The following DOCK9 variants were observed in gnomAD, a reference collection of about 807,000 sequenced individuals.
DOCK9 encodes dedicator of cytokinesis protein 9.
In DOCK9, 89 loss-of-function variants were observed where a neutral mutation model predicts 263.3. The observed-to-expected ratio is 0.34, with a 90% CI of 0.28 to 0.40. The LOEUF is 0.40. Ranked by LOEUF, DOCK9 falls within the 10% of genes least tolerant of loss-of-function variation. The pLI, the probability that DOCK9 is intolerant of heterozygous loss-of-function variation, is 1.00. For missense variants in DOCK9, 2,140 were observed against 2,603.4 expected (o/e 0.82, Z 3.87); for synonymous variants, 976 against 973.1 (o/e 1.00, Z -0.06).
At chr13:98,834,889 C>A (rs2092929040) in intron 39 of DOCK9, among the ~76,000 whole-genome samples, 1 of 152,216 alleles carries the variant, frequency 6.6e-6, no homozygotes, top group African/African-American at 2.4e-5. Context: ...TACACACACA[C>A]ACACACAAAC....
intron 1 of DOCK9, among the ~76,000 whole-genome samples, chr13:99,028,599 G>C (rs1043104327): frequency 2.6e-5 from 4 of 152,134 alleles, no homozygotes; most frequent in Non-Finnish European, 5.9e-5. Context: ...CCTTCTTCTT[G>C]CATTATTTAT....
intron 1 of DOCK9, among the ~76,000 whole-genome samples, chr13:99,028,989 T>C (rs944596212): frequency 6.6e-6 from 1 of 152,204 alleles, no homozygotes; most frequent in Non-Finnish European, 1.5e-5. Context: ...TGAAACCATA[T>C]TTCTGTTTTA....
chr13:98,867,696 G>C (rs531346218), intron 29 of DOCK9, among the ~76,000 whole-genome samples, 160 bp from the exon 30 acceptor site: 10 of 152,280 alleles, frequency 6.6e-5, no homozygotes, highest in African/African-American at 2.4e-4. Flanking sequence ...GATGGCTGCA[G>C]GGATTGATTT....
At chr13:98,979,205 TAGTAGTAGTAGTAGTAGTAGTAGTAGC>T (rs1258065941), upstream of DOCK9, among the ~76,000 whole-genome samples, 1 of 127,212 alleles carries the variant, frequency 7.9e-6, no homozygotes, top group African/African-American at 3.1e-5. Flanking sequence ...GTAGTAGTAG[TAGTAGTAGTAGTAGTAGTAGTAGTAGC>T]AGCAGCGGCG....
intron 39 of DOCK9, among the ~76,000 whole-genome samples, chr13:98,835,657 C>T (rs543020869): frequency 2.0e-5 from 3 of 151,488 alleles, no homozygotes; most frequent in Non-Finnish European, 4.4e-5. Context: ...TGAACTCCTA[C>T]TACCTTCCCA....
rs1286343497 is a variant in DOCK9, at chr13:99,071,306, C to CCTTTTTTTTTTTTTTTTTTTTTT, written c.129+14916_129+14917insAAAAAAAAAAAAAAAAAAAAAAG. On this transcript the variant is annotated intron_variant, in intron 1 of 32. Coordinates refer to the DOCK9 transcript ENST00000427887. ...TACAGGTGCTTGCCACCATGCCTGG[C>CCTTTTTTTTTTTTTTTTTTTTTT]TTTTTTTTTTTTTTTTTTTTTTTTT... Among the ~76,000 whole-genome samples, 24 of 49,328 alleles carry CCTTTTTTTTTTTTTTTTTTTTTT rather than the reference C, an allele frequency of 4.9e-4. 2 individuals are homozygous for CCTTTTTTTTTTTTTTTTTTTTTT. The East Asian group carries it at 5.4e-3, about 11-fold the overall frequency. The allele number at this position is 49,328 out of a possible 152,430, so 32.4% of individuals were successfully genotyped here. A position where few individuals can be genotyped will look rare whatever the true frequency, so the allele number is the denominator to read the frequency against.
intron 7 of DOCK9, among the ~76,000 whole-genome samples, chr13:98,918,792 A>G (rs2051331384): frequency 6.6e-6 from 1 of 152,262 alleles, no homozygotes. Context: ...CCAAAACAAG[A>G]AAGTAGAACA....
At chr13:98,982,510 A>G (rs1416738881), upstream of DOCK9, among the ~76,000 whole-genome samples, 8 of 152,090 alleles carry the variant, frequency 5.3e-5, no homozygotes, top group Non-Finnish European at 1.2e-4. Flanking sequence ...ACCTTTTATT[A>G]AGTTTGCCCC....
At chr13:99,008,232 A>ATTTT (rs1403824024) in intron 1 of DOCK9, among the ~76,000 whole-genome samples, 6 of 103,388 alleles carry the variant, frequency 5.8e-5, no homozygotes, top group Middle Eastern at 5.2e-3. Context: ...ATATATATAT[A>ATTTT]TATTTTTTTT....
intron 1 of DOCK9, among the ~76,000 whole-genome samples, chr13:99,061,073 C>T (rs2041166894): frequency 1.3e-5 from 2 of 152,104 alleles, no homozygotes; most frequent in African/African-American, 4.8e-5. Flanking sequence ...CAGTTTAATC[C>T]CTTGCCTTTT....
intron 1 of DOCK9, among the ~76,000 whole-genome samples, chr13:98,983,977 T>C (rs1273051052): frequency 6.6e-6 from 1 of 152,192 alleles, no homozygotes. Context: ...GTAATCCACA[T>C]TATCACCTAG....
At position 98,843,005 on chromosome 13, in the gene DOCK9, T is replaced by C. The variant is rs142695074; in HGVS notation, c.4198+2919A>G. 2.0e-3 allele frequency among the ~76,000 whole-genome samples: 298 copies of C among 152,332 alleles called. 1 individual carries two copies. The highest frequency in any genetic ancestry group is 3.4e-3 in the Middle Eastern group (1 of 294). On this transcript the variant is annotated intron_variant, in intron 38 of 52. Transcript: ENST00000682017. ...AGTGCGTGTGGTGCCTTCTTCCATGTCCTGTTACCAGTGGTGATGGGGACA... is the reference window on the plus strand; with the variant it reads ...AGTGCGTGTGGTGCCTTCTTCCATGCCCTGTTACCAGTGGTGATGGGGACA...
intron 22 of DOCK9, among the ~76,000 whole-genome samples, 164 bp downstream of exon 22, chr13:98,883,649 A>G (rs2045204429): frequency 6.6e-6 from 1 of 152,262 alleles, no homozygotes; most frequent in Non-Finnish European, 1.5e-5. Flanking sequence ...CTAGTCATTT[A>G]TATGAATACA....
At chr13:99,039,119 A>T (rs1246677495) in intron 1 of DOCK9, among the ~76,000 whole-genome samples, 1 of 152,228 alleles carries the variant, frequency 6.6e-6, no homozygotes, top group East Asian at 1.9e-4. Context: ...TCTTTTACAG[A>T]TTAATTTTTT....
intron 45 of DOCK9, 114 bp downstream of exon 45, chr13:98,824,284 G>GT (rs918547520): frequency 1.8e-5 from 15 of 840,544 alleles, no homozygotes; most frequent in Non-Finnish European, 3.0e-5. Flanking sequence ...AGAGCTATGT[G>GT]TATAAGTAGC....
intron 19 of DOCK9, among the ~76,000 whole-genome samples, chr13:98,886,330 A>G (rs2045690199): frequency 6.6e-6 from 1 of 152,192 alleles, no homozygotes; most frequent in East Asian, 1.9e-4. Context: ...TATCTGCATT[A>G]TCCAAATTTC....
At position 98,829,800 on chromosome 13, in the gene DOCK9, G is replaced by T; in HGVS notation, c.4636-44C>A. On this transcript the variant is annotated intron_variant, in intron 41 of 52. Transcript: ENST00000682017. This position sits in a 1 kb window ranked among gnomAD's most constrained non-coding sequence, Gnocchi z 4.1. Reference sequence around the variant, plus strand: ...TGAGCAAATCAATTTACCTTCAAATGACTGCCCAGGCTGGGCTTCTGCGTT... The same window carrying T: ...TGAGCAAATCAATTTACCTTCAAATTACTGCCCAGGCTGGGCTTCTGCGTT... 2 of 1,512,142 alleles carry T rather than the reference G, an allele frequency of 1.3e-6. No individual in the cohort carries two copies. The highest frequency in any genetic ancestry group is 1.2e-5 in the South Asian group (1 of 83,558). 93.7% of individuals were successfully genotyped at this position (1,512,142 alleles called of 1,614,324 possible).
rs368285569 is a variant in DOCK9, at chr13:98,925,823, T to C, written c.416+14A>G. Reference sequence around the variant, plus strand: ...CAAAGACTTTTCCCTATGTGTATAATATAGCTTACTCACTTCGGAAGCTGT... The same window carrying C: ...CAAAGACTTTTCCCTATGTGTATAACATAGCTTACTCACTTCGGAAGCTGT... On this transcript the variant is annotated intron_variant, in intron 4 of 52. Coordinates refer to ENST00000682017, the MANE Select transcript of DOCK9 (RefSeq NM_001366683.2). 116 of 1,535,500 alleles carry C rather than the reference T, an allele frequency of 7.6e-5. No individual in the cohort carries two copies. The highest frequency in any genetic ancestry group is 1.7e-4 in the Middle Eastern group (1 of 5,926).
chr13:98,947,457 C>G (rs1443691621), intron 2 of DOCK9, among the ~76,000 whole-genome samples: 2 of 148,106 alleles, frequency 1.4e-5, no homozygotes, highest in Non-Finnish European at 3.0e-5. Flanking sequence ...ATTACTTGAA[C>G]TAGAATTAAA....
Sources: allele counts gnomAD v4.1 joint callset (sites outside exome capture counted in the v4.1 genomes callset), GRCh38; gene constraint gnomAD v4.1.1; non-coding constraint Gnocchi (gnomAD v3.1); transcripts MANE v1.5; gene names NCBI Gene and HGNC (gene_info 2026-07-23, HGNC 2026-07-21).